The following MPP7 variants were observed in gnomAD, a reference collection of about 807,000 sequenced individuals.
MPP7 encodes MAGUK p55 scaffold protein 7.
In MPP7, 60 loss-of-function variants were observed where a neutral mutation model predicts 76.5. The ratio of observed to expected loss-of-function variants is 0.78; its 90% CI spans 0.64 to 0.97. MPP7 has a LOEUF of 0.97. MPP7 is among the 50% of genes least tolerant of loss of function. The probability of loss-of-function intolerance (pLI) is 0.00; values close to 1 mark genes in which losing one functional copy is unlikely to be tolerated. For synonymous variants in MPP7, 237 were observed against 244.5 expected, an observed-to-expected ratio of 0.97 and a Z score of 0.29; for missense variants, 641 against 694.0, an observed-to-expected ratio of 0.92 and a Z score of 0.86.
chr10:28,076,844 C>T (rs1378012171), intron 12 of MPP7, among the ~76,000 whole-genome samples: 1 of 150,880 alleles, frequency 6.6e-6, no homozygotes, highest in East Asian at 1.9e-4. Flanking sequence ...GCTGAGATGG[C>T]GCCATTGCGA....
intron 11 of MPP7, among the ~76,000 whole-genome samples, chr10:28,102,836 G>A (rs1041024975): frequency 5.9e-5 from 9 of 152,156 alleles, no homozygotes; most frequent in Admixed American, 1.3e-4. Context: ...GACTACAGGA[G>A]CTCCCTGCTT....
chr10:28,330,305 TGAA>T (rs1834459668), intron 1 of MPP7, among the ~76,000 whole-genome samples: 1 of 152,166 alleles, frequency 6.6e-6, no homozygotes, highest in African/African-American at 2.4e-5. Flanking sequence ...CTTGGGAGGC[TGAA>T]GGAGAAGGAT....
chr10:28,159,825 T>C (rs530439749), intron 3 of MPP7, among the ~76,000 whole-genome samples: 2 of 152,342 alleles, frequency 1.3e-5, no homozygotes, highest in East Asian at 1.9e-4. Context: ...TACCCATGCA[T>C]AGTTTCATGA....
intron 1 of MPP7, among the ~76,000 whole-genome samples, chr10:28,255,089 T>C (rs1297151495): frequency 6.6e-6 from 1 of 152,160 alleles, no homozygotes; most frequent in East Asian, 1.9e-4. Context: ...CACTCTAACA[T>C]AGTGCAAACA....
intron 6 of MPP7, among the ~76,000 whole-genome samples, chr10:28,129,212 G>A (rs377528574): frequency 4.6e-5 from 7 of 152,122 alleles, no homozygotes; most frequent in Admixed American, 2.6e-4. Flanking sequence ...CACATTACAC[G>A]TGATACTGTA....
In MPP7 at chr10:28,168,150, G is replaced by A. The variant is rs556191771; in HGVS notation, c.157-18091C>T. On this transcript the variant is annotated intron_variant, in intron 3 of 16. Coordinates refer to ENST00000683449, the MANE Select transcript of MPP7 (RefSeq NM_001318170.2). ...TACTCCGGAGGCTGAGGCTCAAATC[G>A]CTTGAACTCAGTAGGCGGAGGCTGC... Among the ~76,000 whole-genome samples, 13 of 152,084 alleles carry A rather than the reference G, an allele frequency of 8.5e-5. 1 individual carries two copies. The East Asian group carries it at 1.4e-3, about 16-fold the overall frequency.
At chr10:28,167,986 C>A (rs1836541941) in intron 3 of MPP7, among the ~76,000 whole-genome samples, 1 of 152,192 alleles carries the variant, frequency 6.6e-6, no homozygotes, top group Non-Finnish European at 1.5e-5. Flanking sequence ...CCTATAATCC[C>A]AGCACTTTGG....
intron 3 of MPP7, among the ~76,000 whole-genome samples, chr10:28,167,865 A>G (rs1223130406): frequency 6.6e-6 from 1 of 152,176 alleles, no homozygotes; most frequent in Non-Finnish European, 1.5e-5. Flanking sequence ...GATCTCTTAT[A>G]TTTTGCCAAT....
At chr10:28,270,535 G>C (rs1349206670) in intron 1 of MPP7, among the ~76,000 whole-genome samples, 6 of 128,362 alleles carry the variant, frequency 4.7e-5, no homozygotes, top group East Asian at 2.7e-4. Context: ...AAAAAAAAGG[G>C]GGGGGGGGAG....
intron 11 of MPP7, among the ~76,000 whole-genome samples, chr10:28,119,438 A>G (rs1588799204): frequency 6.6e-6 from 1 of 152,138 alleles, no homozygotes; most frequent in East Asian, 1.9e-4. Flanking sequence ...TGAGTCATGG[A>G]TTTATTATTA....
chr10:28,169,422 C>G (rs7094670), intron 3 of MPP7, among the ~76,000 whole-genome samples: 20,177 of 151,950 alleles, frequency 0.13, 2,041 homozygotes, highest in African/African-American at 0.28. Context: ...AGGCTGATGT[C>G]GGAGGTTCTC....
At chr10:28,333,524 C>T (rs1009625477) in intron 1 of MPP7, among the ~76,000 whole-genome samples, 8 of 152,140 alleles carry the variant, frequency 5.3e-5, no homozygotes, top group Non-Finnish European at 1.2e-4. Flanking sequence ...GTAAATCACT[C>T]AGAAGTAACA....
At chr10:28,325,567 C>A (rs1471556736) in intron 2 of MPP7, among the ~76,000 whole-genome samples, 5 of 151,998 alleles carry the variant, frequency 3.3e-5, no homozygotes. Context: ...GATCTCAGCT[C>A]GCTGCAACCT....
intron 2 of MPP7, among the ~76,000 whole-genome samples, chr10:28,311,759 T>TACACACACAC (rs112717112): frequency 1.1e-3 from 163 of 148,712 alleles, no homozygotes; most frequent in Non-Finnish European, 1.6e-3. Flanking sequence ...GATGTGTTAA[T>TACACACACAC]ACACACACAC....
chr10:28,120,387 A>C lies in MPP7; in HGVS notation c.694T>G (p.Phe232Val). 1 of 1,606,432 alleles carries C rather than the reference A, an allele frequency of 6.2e-7. No individual in the cohort carries two copies. The highest frequency in any genetic ancestry group is 2.2e-5 in the East Asian group (1 of 44,840). Residue 232 changes from phenylalanine to valine, a missense_variant, in exon 10 of 17, where the codon TTT becomes GTT. Coordinates refer to ENST00000683449, the MANE Select transcript of MPP7 (RefSeq NM_001318170.2). ...EETPSKEGKM[F>V]IKALFDYNPN... is the part of the protein sequence containing the mutation. ...TTATAGTCAAAGAGGGCTTTGATAA[A>C]CATCTGGAAGAAAAGTTTCATTAAA...
intron 3 of MPP7, among the ~76,000 whole-genome samples, chr10:28,183,259 T>C (rs1837118706): frequency 6.6e-6 from 1 of 152,166 alleles, no homozygotes; most frequent in Admixed American, 6.6e-5. Flanking sequence ...ATGTTCAGAC[T>C]TCAACTGGAT....
At chr10:28,112,551 G>C (rs1192257919) in intron 11 of MPP7, among the ~76,000 whole-genome samples, 1 of 152,074 alleles carries the variant, frequency 6.6e-6, no homozygotes, top group African/African-American at 2.4e-5. Context: ...AAATTTTTAA[G>C]TAGAGAGAAA....
chr10:28,127,878 T>C lies in MPP7; in HGVS notation c.448-2787A>G, dbSNP rs527302100. ...ACTCACTGAGAAGATGATGTCTGAG[T>C]GAATAAAGACTGGACGGAGGTGAAG... On this transcript the variant is annotated intron_variant, in intron 6 of 16. Coordinates refer to ENST00000683449, the MANE Select transcript of MPP7 (RefSeq NM_001318170.2). 9.6e-4 allele frequency among the ~76,000 whole-genome samples: 145 copies of C among 151,674 alleles called. No individual in the cohort carries two copies. The South Asian group carries it at 9.9e-3, about 10-fold the overall frequency.
chr10:28,275,019 T>A (rs1840447944), intron 1 of MPP7, among the ~76,000 whole-genome samples: 1 of 152,216 alleles, frequency 6.6e-6, no homozygotes, highest in Non-Finnish European at 1.5e-5. Flanking sequence ...TACATCTTGA[T>A]GAAATCGGCT....
Sources: allele counts gnomAD v4.1 joint callset (sites outside exome capture counted in the v4.1 genomes callset), GRCh38; gene constraint gnomAD v4.1.1; transcripts MANE v1.5; gene names NCBI Gene and HGNC (gene_info 2026-07-23, HGNC 2026-07-21).